BPHL: variants seen among roughly 807,000 people sequenced by gnomAD.
The protein encoded by BPHL is biphenyl hydrolase like.
A neutral mutation model predicts 31.2 loss-of-function variants in BPHL; 27 were observed. The ratio of observed to expected loss-of-function variants is 0.87; its 90% CI spans 0.64 to 1.19. The LOEUF (loss-of-function observed/expected upper bound fraction) is 1.19. Ranked by LOEUF, BPHL falls within the 50% of genes most tolerant of loss-of-function variation. The pLI, the probability that BPHL is intolerant of heterozygous loss-of-function variation, is 0.00. For missense variants in BPHL, 356 were observed against 375.7 expected, an observed-to-expected ratio of 0.95 and a Z score of 0.43; for synonymous variants, 150 against 146.8, an observed-to-expected ratio of 1.02 and a Z score of -0.16.
At position 3,140,958 on chromosome 6, in the gene BPHL, A is replaced by C. The variant is rs1310373127; in HGVS notation, c.788+449A>C. ...ACAGCCAGCCCTACTCAGCACAGTT[A>C]ATGGTAGTGTTCCCTGTCCCTAAAG... On this transcript the variant is annotated intron_variant, in intron 6 of 6. Coordinates refer to ENST00000380379, the MANE Select transcript of BPHL (RefSeq NM_004332.4). The surrounding 1 kb of genome is among the most constrained non-coding windows in gnomAD (Gnocchi z 5.2). 6.6e-6 allele frequency among the ~76,000 whole-genome samples: 1 copy of C among 152,234 alleles called. No homozygotes were observed. The highest frequency in any genetic ancestry group is 1.5e-5 in the Non-Finnish European group (1 of 68,040).
intron 5 of BPHL, chr6:3,138,923 G>T (rs1263900409): frequency 6.6e-6 from 1 of 152,216 alleles, no homozygotes; most frequent in Non-Finnish European, 1.5e-5. Flanking sequence ...GAGGGCCTTC[G>T]TGATGCGTCC....
intron 4 of BPHL, among the ~76,000 whole-genome samples, chr6:3,132,663 T>C (rs1019661319): frequency 6.6e-6 from 1 of 152,048 alleles, no homozygotes; most frequent in African/African-American, 2.4e-5. Context: ...AGACCCCGTG[T>C]CTACAAAAAA....
chr6:3,123,340 A>G (rs1440697037), intron 1 of BPHL, among the ~76,000 whole-genome samples: 1 of 152,190 alleles, frequency 6.6e-6, no homozygotes, highest in Non-Finnish European at 1.5e-5. Flanking sequence ...AACATTTTTC[A>G]AATTTTATTT....
chr6:3,126,758 T>C, intron 2 of BPHL: 1 of 134,866 alleles, frequency 7.4e-6, no homozygotes, highest in Non-Finnish European at 1.6e-5. Context: ...CCGGCCCCTT[T>C]TTTTTTTTTT....
intron 4 of BPHL, among the ~76,000 whole-genome samples, chr6:3,136,585 C>T (rs891445363): frequency 2.0e-5 from 3 of 152,158 alleles, no homozygotes; most frequent in Non-Finnish European, 2.9e-5. Context: ...TGACGTTGTC[C>T]GGGACTCTGT....
At chr6:3,124,452 C>G (rs1448476671) in intron 2 of BPHL, among the ~76,000 whole-genome samples, 1 of 152,088 alleles carries the variant, frequency 6.6e-6, no homozygotes, top group Non-Finnish European at 1.5e-5. Flanking sequence ...AATATTTAAT[C>G]TCAGTATTCC....
intron 6 of BPHL, among the ~76,000 whole-genome samples, chr6:3,141,665 T>C (rs1390139244): frequency 1.3e-5 from 2 of 151,996 alleles, no homozygotes; most frequent in African/African-American, 4.8e-5. Context: ...CACTCCCAGC[T>C]TGGAGTTTTT....
intron 6 of BPHL, among the ~76,000 whole-genome samples, chr6:3,146,449 T>C (rs1263562673): frequency 1.2e-5 from 1 of 83,762 alleles, no homozygotes; most frequent in Non-Finnish European, 2.4e-5. Flanking sequence ...CTGGTTTGGG[T>C]CGGAGTGCTG....
chr6:3,137,296 G>C lies in BPHL; in HGVS notation c.533-66G>C, dbSNP rs1581475270. 35 of 1,574,028 alleles carry C rather than the reference G, an allele frequency of 2.2e-5. No homozygotes were observed. In the South Asian group the frequency reaches 3.0e-4, roughly 13 times the overall value. On this transcript the variant is annotated intron_variant, in intron 4 of 6. Transcript: ENST00000380379. ...TGGGCTCAGAAGTGGCTCTTGCTCA[G>C]AATACTTAAAGACAATACTTTAGTA...
chr6:3,122,759 A>G (rs1352788093), intron 1 of BPHL, among the ~76,000 whole-genome samples: 1 of 152,184 alleles, frequency 6.6e-6, no homozygotes. Flanking sequence ...ATATTTTAAC[A>G]TCTTAAAAAA....
intron 1 of BPHL, among the ~76,000 whole-genome samples, chr6:3,119,781 C>G (rs1761509982): frequency 6.6e-6 from 1 of 152,162 alleles, no homozygotes; most frequent in South Asian, 2.1e-4. Flanking sequence ...CTTGATCCAA[C>G]ATAGAAACTT....
At chr6:3,128,968 C>G (rs1032942190) in intron 3 of BPHL, 77 bp from the exon 4 acceptor site, 14 of 1,594,018 alleles carry the variant, frequency 8.8e-6, no homozygotes, top group Non-Finnish European at 1.2e-5. Context: ...TGTATTGATT[C>G]TGATAATTAG....
In BPHL at chr6:3,149,541, C is replaced by G. The variant is rs2113780055; in HGVS notation, c.789-2947C>G. Among the ~76,000 whole-genome samples the G allele has an allele frequency of 6.6e-6, 1 of 152,318 alleles. No homozygotes were observed. The highest frequency in any genetic ancestry group is 1.9e-4 in the East Asian group (1 of 5,176). Reference sequence around the variant, plus strand: ...CCCCCACCATCCCCAAATGCCTGGTCAGCCCTAACCAGAGGAGAGCCTGGC... The same window carrying G: ...CCCCCACCATCCCCAAATGCCTGGTGAGCCCTAACCAGAGGAGAGCCTGGC... On this transcript the variant is annotated intron_variant, in intron 6 of 6. Transcript: ENST00000380379. This position sits in a 1 kb window ranked among gnomAD's most constrained non-coding sequence, Gnocchi z 4.6.
intron 4 of BPHL, among the ~76,000 whole-genome samples, chr6:3,129,588 C>T (rs990065061): frequency 6.6e-6 from 1 of 152,076 alleles, no homozygotes; most frequent in African/African-American, 2.4e-5. Context: ...GCAGAAGGAT[C>T]GCTTGAGCCC....
chr6:3,125,952 G>A (rs562864938), intron 2 of BPHL, among the ~76,000 whole-genome samples: 112 of 152,342 alleles, frequency 7.4e-4, no homozygotes, highest in African/African-American at 2.6e-3. Context: ...ATAAAATGCT[G>A]ACTTGCCCCT....
In BPHL at chr6:3,127,469, T is replaced by C; in HGVS notation, c.378+61T>C. 6 of 1,365,632 alleles carry C rather than the reference T, an allele frequency of 4.4e-6. No individual in the cohort carries two copies. In the South Asian group the frequency reaches 1.1e-4, roughly 25 times the overall value. 84.6% of individuals were successfully genotyped at this position (1,365,632 alleles called of 1,614,324 possible). A position where few individuals can be genotyped will look rare whatever the true frequency, so the allele number is the denominator to read the frequency against. The stretch of plus-strand genomic sequence containing the variant: ...TGGCTGGGCCTGTCTTCATTTATTT[T>C]GTTTAAATTTTGTTGTTATATTTTT... On this transcript the variant is annotated intron_variant, in intron 3 of 6. Coordinates refer to ENST00000380379, the MANE Select transcript of BPHL (RefSeq NM_004332.4).
chr6:3,128,243 A>G (rs1393167997), intron 3 of BPHL, among the ~76,000 whole-genome samples: 3 of 152,106 alleles, frequency 2.0e-5, no homozygotes, highest in Non-Finnish European at 4.4e-5. Context: ...TTGCCACTAT[A>G]AACAGTATTG....
chr6:3,123,763 C>G lies in BPHL; in HGVS notation c.211+3C>G, dbSNP rs369587256. 3.1e-6 allele frequency: 5 copies of G among 1,607,650 alleles called. No individual in the cohort carries two copies. Among genetic ancestry groups the G allele is most frequent in the South Asian group, 2.2e-5 (2 of 90,096 alleles). ...CCTGCTACTTCCTGGGATGTTAGGT[C>G]TGGGTACTTTTTAATGGAATGTTTT... On this transcript the variant is annotated splice_donor_region_variant and intron_variant, in intron 2 of 6. Transcript: ENST00000380379.
chr6:3,119,309 C>T (rs554364703), intron 1 of BPHL: 41 of 1,547,952 alleles, frequency 2.6e-5, no homozygotes, highest in African/African-American at 2.3e-4. Context: ...CTGAGTACCG[C>T]TAAGGCTTTA....
Sources: gnomAD v4.1 joint callset for allele counts (sites outside exome capture counted in the v4.1 genomes callset) on GRCh38, gnomAD v4.1.1 for gene constraint, Gnocchi (gnomAD v3.1) non-coding constraint, MANE v1.5 for transcripts, NCBI Gene and HGNC (gene_info 2026-07-23, HGNC 2026-07-21) for gene names.